Variants in AVEN observed in about 807,000 individuals in gnomAD.
The protein encoded by AVEN is apoptosis and caspase activation inhibitor.
In AVEN, 41 loss-of-function variants were observed where a neutral mutation model predicts 38.1. That is an observed-to-expected ratio of 1.08 (90% CI 0.84 to 1.40). The LOEUF (loss-of-function observed/expected upper bound fraction) is 1.40. Ranked by LOEUF, AVEN falls within the 40% of genes most tolerant of loss-of-function variation. AVEN has a pLI of 0.00. For synonymous variants in AVEN, 206 were observed against 171.8 expected, an observed-to-expected ratio of 1.20 and a Z score of -1.56; for missense variants, 605 against 438.8, an observed-to-expected ratio of 1.38 and a Z score of -3.38.
exon 1 of AVEN, among the ~76,000 whole-genome samples, chr15:34,074,991 A>G (rs1218837424): frequency 1.3e-5 from 2 of 152,022 alleles, no homozygotes; most frequent in African/African-American, 2.4e-5. Context: ...ATCCTGGCTA[A>G]CACGGTGAAA....
chr15:33,938,707 G>A (rs1246953803), intron 2 of AVEN, among the ~76,000 whole-genome samples: 6 of 152,272 alleles, frequency 3.9e-5, no homozygotes, highest in Admixed American at 2.0e-4. Flanking sequence ...TTTTAAAACA[G>A]AGAATGCATT....
Position 34,059,861 on chromosome 15 carries a change from C to A in AVEN, n.1637+3061G>T, listed in dbSNP as rs530763693. On this transcript the variant is annotated intron_variant and non_coding_transcript_variant, in intron 5 of 11. Transcript: ENST00000675287. Reference sequence around the variant, plus strand: ...CATGTTGCACCCCTGCTATTTCTATCTGCTAATTTATTTACATTCCCAACT... The same window carrying A: ...CATGTTGCACCCCTGCTATTTCTATATGCTAATTTATTTACATTCCCAACT... Among the ~76,000 whole-genome samples, 19 of 152,352 alleles carry A rather than the reference C, an allele frequency of 1.2e-4. No individual in the cohort carries two copies. In the South Asian group the frequency reaches 3.7e-3, roughly 30 times the overall value.
At chr15:34,042,440 G>T (rs1370177128), upstream of AVEN, among the ~76,000 whole-genome samples, 2 of 112,856 alleles carry the variant, frequency 1.8e-5, no homozygotes, top group African/African-American at 7.1e-5. Context: ...CGCACTTGTT[G>T]CCCAGGCTGG....
chr15:33,904,932 T>A (rs766331525), intron 2 of AVEN, among the ~76,000 whole-genome samples: 3 of 150,992 alleles, frequency 2.0e-5, no homozygotes, highest in Non-Finnish European at 4.4e-5. Context: ...GAGATTGAGA[T>A]CAGCCTGGCC....
chr15:34,039,174 T>C lies in AVEN; in HGVS notation c.-128A>G. 1 of 825,412 alleles carries C rather than the reference T, an allele frequency of 1.2e-6. No individual in the cohort carries two copies. The highest frequency in any genetic ancestry group is 5.6e-5 in the South Asian group (1 of 17,746). The allele number at this position is 825,412 out of a possible 1,614,324, so 51.1% of individuals were successfully genotyped here. On this transcript the variant is annotated 5_prime_UTR_variant, in exon 1 of 6. Transcript: ENST00000306730. The stretch of plus-strand genomic sequence containing the variant: ...CGCCCGGTAGCAGCGAGGCGCGGGG[T>C]GCGGGGCTAGGGATCGAGGCCGGCC...
At chr15:33,984,465 T>A (rs1447167462) in intron 2 of AVEN, among the ~76,000 whole-genome samples, 1 of 151,862 alleles carries the variant, frequency 6.6e-6, no homozygotes, top group African/African-American at 2.4e-5. Context: ...TGCAATGGCA[T>A]GATCTCGGCT....
intron 2 of AVEN, among the ~76,000 whole-genome samples, chr15:33,961,616 AT>A (rs1420838239): frequency 6.6e-6 from 1 of 151,656 alleles, no homozygotes; most frequent in Non-Finnish European, 1.5e-5. Flanking sequence ...GATCGAGACC[AT>A]TCTGGCTAAC....
rs973017331 is a variant in AVEN at position 34,063,420 on chromosome 15, T to C, written n.1139A>G. On this transcript the variant is annotated non_coding_transcript_exon_variant, in exon 5 of 12. Transcript: ENST00000675287. The surrounding 1 kb of genome is among the most constrained non-coding windows in gnomAD (Gnocchi z 4.1). ...CCTGGCTGACCTCCAGGGTTCTGACTCTGTGACCAAAGCTGAGAAGAGAAA... is the reference window on the plus strand; with the variant it reads ...CCTGGCTGACCTCCAGGGTTCTGACCCTGTGACCAAAGCTGAGAAGAGAAA... 6.2e-7 allele frequency: 1 copy of C among 1,613,924 alleles called. No individual in the cohort carries two copies. Among genetic ancestry groups the C allele is most frequent in the Non-Finnish European group, 8.5e-7 (1 of 1,180,014 alleles).
chr15:33,966,874 A>G (rs1051389059), intron 2 of AVEN, among the ~76,000 whole-genome samples: 3 of 152,128 alleles, frequency 2.0e-5, no homozygotes, highest in African/African-American at 7.2e-5. Flanking sequence ...CATTAATGAA[A>G]AACATATATA....
intron 2 of AVEN, among the ~76,000 whole-genome samples, chr15:33,879,722 G>A (rs140886555): frequency 5.3e-5 from 8 of 151,986 alleles, no homozygotes; most frequent in East Asian, 1.9e-4. Flanking sequence ...TTAGACTCTC[G>A]CTATTAGAAA....
intron 4 of AVEN, among the ~76,000 whole-genome samples, chr15:33,869,171 T>C (rs1890830085): frequency 6.6e-6 from 1 of 152,198 alleles, no homozygotes; most frequent in Non-Finnish European, 1.5e-5. Context: ...TCTATTCTAA[T>C]CTTAGAGTCA....
intron 2 of AVEN, among the ~76,000 whole-genome samples, chr15:33,916,814 T>C (rs1445626037): frequency 6.6e-6 from 1 of 151,054 alleles, no homozygotes; most frequent in Non-Finnish European, 1.5e-5. Context: ...CTGGGTAATT[T>C]AGAAAAAAAA....
intron 2 of AVEN, among the ~76,000 whole-genome samples, chr15:33,923,030 TTA>T (rs1394045862): frequency 1.3e-5 from 2 of 152,282 alleles, no homozygotes; most frequent in South Asian, 2.1e-4. Context: ...AAATAATACT[TTA>T]TGAGTTAACC....
chr15:34,036,501 C>T (rs1199072807), intron 1 of AVEN, among the ~76,000 whole-genome samples: 1 of 151,952 alleles, frequency 6.6e-6, no homozygotes, highest in Non-Finnish European at 1.5e-5. Context: ...GATATGAGAA[C>T]AAGAAGGCTT....
intron 2 of AVEN, among the ~76,000 whole-genome samples, chr15:33,993,355 A>C (rs1896806167): frequency 6.6e-6 from 1 of 152,184 alleles, no homozygotes; most frequent in Non-Finnish European, 1.5e-5. Context: ...AAAGACTCAC[A>C]ATCTTACCAG....
At chr15:33,927,647 A>G (rs1305627011) in intron 2 of AVEN, among the ~76,000 whole-genome samples, 1 of 152,156 alleles carries the variant, frequency 6.6e-6, no homozygotes, top group East Asian at 1.9e-4. Context: ...ACATATTCAC[A>G]TGGTCACATG....
intron 2 of AVEN, among the ~76,000 whole-genome samples, chr15:33,911,121 C>A (rs1892901449): frequency 6.6e-6 from 1 of 152,178 alleles, no homozygotes; most frequent in African/African-American, 2.4e-5. Context: ...AATAAATGTT[C>A]CTTATTCCTC....
At chr15:34,023,145 C>T (rs1338113521) in intron 1 of AVEN, among the ~76,000 whole-genome samples, 1 of 151,960 alleles carries the variant, frequency 6.6e-6, no homozygotes. Flanking sequence ...CGCGCCACTG[C>T]GCTCCAGCCT....
intron 11 of AVEN, chr15:33,860,769 ACG>A: frequency 1.1e-6 from 1 of 877,298 alleles, no homozygotes; most frequent in African/African-American, 1.7e-5. Flanking sequence ...CTAAGCAAGA[ACG>A]CAGTTTGTTT....
Sources: allele counts gnomAD v4.1 joint callset (sites outside exome capture counted in the v4.1 genomes callset), GRCh38; gene constraint gnomAD v4.1.1; non-coding constraint Gnocchi (gnomAD v3.1); transcripts MANE v1.5; gene names NCBI Gene and HGNC (gene_info 2026-07-23, HGNC 2026-07-21).